RAPGEF4: variants seen among roughly 807,000 people sequenced by gnomAD.
RAPGEF4 encodes the protein RAP guanine-nucleotide-exchange factor (GEF) 4.
Under a neutral mutation model 147.9 loss-of-function variants are expected in RAPGEF4, and 66 were observed. The ratio of observed to expected loss-of-function variants is 0.45; its 90% CI spans 0.37 to 0.55. The LOEUF is 0.55. Ranked by LOEUF, RAPGEF4 falls within the 20% of genes least tolerant of loss-of-function variation. The pLI is 0.00. For missense variants in RAPGEF4, 1,071 were observed against 1,257.3 expected (o/e 0.85, Z 2.24); for synonymous variants, 419 against 442.7 (o/e 0.95, Z 0.67).
chr2:172,816,106 C>A (rs1229845578), intron 4 of RAPGEF4, among the ~76,000 whole-genome samples: 2 of 152,228 alleles, frequency 1.3e-5, no homozygotes, highest in East Asian at 3.9e-4. Flanking sequence ...CATTATCTCA[C>A]CTATAAAACA....
At chr2:172,819,687 G>T (rs1489196213) in intron 4 of RAPGEF4, among the ~76,000 whole-genome samples, 2 of 151,688 alleles carry the variant, frequency 1.3e-5, no homozygotes, top group East Asian at 3.9e-4. Context: ...GGATGGTCTC[G>T]ATCTCCTGAC....
At chr2:172,852,335 A>ATTGTCAAT (rs1692945286) in intron 4 of RAPGEF4, among the ~76,000 whole-genome samples, 1 of 152,188 alleles carries the variant, frequency 6.6e-6, no homozygotes, top group South Asian at 2.1e-4. Flanking sequence ...AAGCTAATGA[A>ATTGTCAAT]TTGTCAATTT....
intron 29 of RAPGEF4, among the ~76,000 whole-genome samples, chr2:173,038,079 G>A (rs540029893): frequency 1.8e-4 from 27 of 152,208 alleles, no homozygotes; most frequent in Non-Finnish European, 3.7e-4. Flanking sequence ...GAAGTAACAC[G>A]AGTACACACT....
intron 1 of RAPGEF4, among the ~76,000 whole-genome samples, chr2:172,777,748 G>A (rs1297792430): frequency 6.6e-6 from 1 of 152,136 alleles, no homozygotes; most frequent in Non-Finnish European, 1.5e-5. Context: ...CTGTGTTCCA[G>A]AAAGTGTTTC....
Position 172,892,876 on chromosome 2 carries a change from T to A in RAPGEF4, c.445-24926T>A, listed in dbSNP as rs531235333. ...GGATACAGTTTTGGCCAGGCTAGCA[T>A]GCATATATGGCAGACTTCTGCATGC... On this transcript the variant is annotated intron_variant, in intron 4 of 30. Transcript: ENST00000397081. 3.7e-4 allele frequency among the ~76,000 whole-genome samples: 56 copies of A among 152,356 alleles called. 1 individual carries two copies. The highest frequency in any genetic ancestry group is 1.3e-3 in the African/African-American group (52 of 41,586).
chr2:172,924,197 C>T (rs1233325436), intron 6 of RAPGEF4, among the ~76,000 whole-genome samples: 1 of 152,192 alleles, frequency 6.6e-6, no homozygotes, highest in Non-Finnish European at 1.5e-5. Context: ...TGTCCAAGCC[C>T]TGGGAGGGCT....
chr2:173,051,100 A>G (rs1221183105), intron 30 of RAPGEF4, among the ~76,000 whole-genome samples: 1 of 152,216 alleles, frequency 6.6e-6, no homozygotes, highest in African/African-American at 2.4e-5. Context: ...TTTTCTGAAT[A>G]TGGACAGTCT....
intron 3 of RAPGEF4, among the ~76,000 whole-genome samples, chr2:172,798,258 AC>A (rs1356498445): frequency 1.3e-5 from 2 of 152,176 alleles, no homozygotes; most frequent in East Asian, 3.8e-4. Context: ...TATTAAAAAA[AC>A]GAAAACAAAA....
chr2:172,781,921 T>C (rs923099191), intron 1 of RAPGEF4, among the ~76,000 whole-genome samples: 1 of 152,222 alleles, frequency 6.6e-6, no homozygotes, highest in Non-Finnish European at 1.5e-5. Context: ...AATTTGTGGT[T>C]GGTTGATTCT....
chr2:172,875,833 G>A (rs1250624603), intron 4 of RAPGEF4, among the ~76,000 whole-genome samples: 1 of 152,056 alleles, frequency 6.6e-6, no homozygotes, highest in African/African-American at 2.4e-5. Context: ...AATTACCTTG[G>A]GCAGTATGGC....
At chr2:172,972,996 A>G (rs996319353) in intron 10 of RAPGEF4, among the ~76,000 whole-genome samples, 1 of 151,950 alleles carries the variant, frequency 6.6e-6, no homozygotes, top group African/African-American at 2.4e-5. Context: ...TTAAAGTTAA[A>G]TATCCTTTAA....
chr2:172,920,536 T>C (rs1559121195), intron 5 of RAPGEF4, among the ~76,000 whole-genome samples: 1 of 152,078 alleles, frequency 6.6e-6, no homozygotes, highest in East Asian at 1.9e-4. Flanking sequence ...CCTGATCATA[T>C]CACTCTGCTG....
chr2:172,780,461 T>A (rs753867296), intron 1 of RAPGEF4, among the ~76,000 whole-genome samples: 3 of 152,212 alleles, frequency 2.0e-5, no homozygotes, highest in Non-Finnish European at 4.4e-5. Context: ...TCCAGGCTGA[T>A]AAAGATCTAA....
chr2:173,020,908 A>C (rs1696026121), intron 23 of RAPGEF4, among the ~76,000 whole-genome samples, 193 bp downstream of exon 23: 1 of 152,194 alleles, frequency 6.6e-6, no homozygotes. Context: ...TCTTTTGTGA[A>C]AATTAGCCAA....
At chr2:172,907,905 C>T (rs1214127297) in intron 4 of RAPGEF4, among the ~76,000 whole-genome samples, 1 of 152,176 alleles carries the variant, frequency 6.6e-6, no homozygotes, top group African/African-American at 2.4e-5. Flanking sequence ...ATTTCTCATC[C>T]TCACAATGGT....
At chr2:172,738,453 TGA>T (rs531580169) in intron 1 of RAPGEF4, among the ~76,000 whole-genome samples, 1 of 152,140 alleles carries the variant, frequency 6.6e-6, no homozygotes, top group South Asian at 2.1e-4. Context: ...GGAATGCAGA[TGA>T]GAGAGTTATC....
intron 15 of RAPGEF4, among the ~76,000 whole-genome samples, chr2:172,995,301 A>G (rs1693236340): frequency 6.7e-6 from 1 of 149,450 alleles, no homozygotes; most frequent in South Asian, 2.1e-4. Context: ...TTGTATTTTG[A>G]GATGGAGTCT....
chr2:173,011,170 G>GCGCGCGCGCGCACACACA (rs564434178), intron 17 of RAPGEF4, among the ~76,000 whole-genome samples: 15 of 133,498 alleles, frequency 1.1e-4, no homozygotes, highest in African/African-American at 4.0e-4. Context: ...GCGCGCGCGC[G>GCGCGCGCGCGCACACACA]CACACACACA....
intron 1 of RAPGEF4, among the ~76,000 whole-genome samples, chr2:172,747,381 A>C (rs920419870): frequency 6.6e-5 from 10 of 152,248 alleles, no homozygotes; most frequent in Admixed American, 2.6e-4. Flanking sequence ...CTCTCTTAGC[A>C]AATTGCAGTT....
Sources: gnomAD v4.1 joint callset for allele counts (sites outside exome capture counted in the v4.1 genomes callset) on GRCh38, gnomAD v4.1.1 for gene constraint, MANE v1.5 for transcripts, NCBI Gene and HGNC (gene_info 2026-07-23, HGNC 2026-07-21) for gene names.